ROBO2: variants seen among roughly 807,000 people sequenced by gnomAD.
ROBO2 encodes the protein roundabout guidance receptor 2.
A neutral mutation model predicts 160.8 loss-of-function variants in ROBO2; 53 were observed. The ratio of observed to expected loss-of-function variants is 0.33; its 90% CI spans 0.26 to 0.41. ROBO2 has a LOEUF of 0.41. Ranked by LOEUF, ROBO2 falls within the 10% of genes least tolerant of loss-of-function variation. The pLI, the probability that ROBO2 is intolerant of heterozygous loss-of-function variation, is 1.00. For missense variants in ROBO2, 1,577 were observed against 1,722.4 expected (o/e 0.92, Z 1.49); for synonymous variants, 664 against 611.7 (o/e 1.09, Z -1.26).
intron 2 of ROBO2, among the ~76,000 whole-genome samples, chr3:77,339,513 G>T (rs1353479483): frequency 6.6e-6 from 1 of 152,002 alleles, no homozygotes; most frequent in Admixed American, 6.6e-5. Context: ...TGCATCTGTG[G>T]ACAACATCAG....
chr3:77,632,592 A>C (rs1369228665), intron 23 of ROBO2: 3 of 1,535,720 alleles, frequency 2.0e-6, no homozygotes, highest in Non-Finnish European at 2.6e-6. Context: ...GTTTTGCACA[A>C]GCACTGGTGG....
At chr3:77,398,641 G>T (rs1231025411) in intron 2 of ROBO2, among the ~76,000 whole-genome samples, 1 of 151,894 alleles carries the variant, frequency 6.6e-6, no homozygotes, top group Non-Finnish European at 1.5e-5. Flanking sequence ...GAGTGTAATG[G>T]CATGATCATG....
At chr3:76,541,131 A>G (rs2108230341) in intron 2 of ROBO2, among the ~76,000 whole-genome samples, 1 of 152,334 alleles carries the variant, frequency 6.6e-6, no homozygotes, top group Non-Finnish European at 1.5e-5. Flanking sequence ...TAAATAAATA[A>G]TTATCAATTA....
chr3:75,933,344 C>T (rs1341097909), intron 1 of ROBO2, among the ~76,000 whole-genome samples: 1 of 152,096 alleles, frequency 6.6e-6, no homozygotes, highest in African/African-American at 2.4e-5. Flanking sequence ...ATTCTTTGGT[C>T]TTTAGTTTTA....
chr3:76,560,065 G>C (rs1197700247), intron 2 of ROBO2, among the ~76,000 whole-genome samples: 1 of 151,926 alleles, frequency 6.6e-6, no homozygotes, highest in African/African-American at 2.4e-5. Context: ...AACCCTTTCT[G>C]TATATATTAA....
chr3:76,558,843 C>T (rs897702526), intron 2 of ROBO2, among the ~76,000 whole-genome samples: 1 of 152,140 alleles, frequency 6.6e-6, no homozygotes, highest in Non-Finnish European at 1.5e-5. Context: ...CCTCTGGAGA[C>T]TTTTCTGCCG....
chr3:77,279,051 G>A (rs1370906409), intron 2 of ROBO2, among the ~76,000 whole-genome samples: 1 of 151,956 alleles, frequency 6.6e-6, no homozygotes, highest in Non-Finnish European at 1.5e-5. Flanking sequence ...TCTAGACCTC[G>A]ATATTTTATT....
intron 2 of ROBO2, among the ~76,000 whole-genome samples, chr3:76,229,587 T>A (rs1366459008): frequency 6.6e-6 from 1 of 152,174 alleles, no homozygotes. Flanking sequence ...ATGGTTACCA[T>A]GATATGCATA....
In ROBO2 at chr3:77,588,731, T is replaced by C; in HGVS notation, c.2501-20T>C. The C allele has an allele frequency of 6.2e-7, 1 of 1,608,064 alleles. No individual in the cohort carries two copies. The highest frequency in any genetic ancestry group is 8.5e-7 in the Non-Finnish European group (1 of 1,175,308). On this transcript the variant is annotated intron_variant, in intron 16 of 25. Coordinates refer to ENST00000461745, the Ensembl canonical transcript of ROBO2. ...TTATTTTCGTTTTAATATATACTAA[T>C]ACTATGGTTTTTTCCATAGGGAGAC...
intron 1 of ROBO2, among the ~76,000 whole-genome samples, chr3:75,910,539 C>T (rs1410351566): frequency 6.6e-6 from 1 of 152,046 alleles, no homozygotes; most frequent in Non-Finnish European, 1.5e-5. Flanking sequence ...TACCTTTGTT[C>T]ATTACGAGAT....
intron 2 of ROBO2, among the ~76,000 whole-genome samples, chr3:76,383,765 A>C (rs1452204663): frequency 6.6e-6 from 1 of 152,230 alleles, no homozygotes; most frequent in African/African-American, 2.4e-5. Context: ...CAATTCTGTT[A>C]GAGTAAATCA....
intron 2 of ROBO2, among the ~76,000 whole-genome samples, chr3:76,569,252 A>T (rs2084803628): frequency 6.6e-6 from 1 of 152,196 alleles, no homozygotes; most frequent in Admixed American, 6.5e-5. Flanking sequence ...TTCTGGGTCT[A>T]GAACAATAAG....
At chr3:75,949,223 T>A (rs1385657386) in intron 2 of ROBO2, among the ~76,000 whole-genome samples, 1 of 152,124 alleles carries the variant, frequency 6.6e-6, no homozygotes, top group Non-Finnish European at 1.5e-5. Context: ...TGTCTCCTTG[T>A]CACTCACCAT....
At chr3:76,239,452 G>T (rs1223388336) in intron 2 of ROBO2, among the ~76,000 whole-genome samples, 1 of 151,942 alleles carries the variant, frequency 6.6e-6, no homozygotes, top group Non-Finnish European at 1.5e-5. Context: ...AAGAGAAGTT[G>T]CCTTGATGAA....
chr3:77,429,289 T>C (rs1007442499), intron 2 of ROBO2, among the ~76,000 whole-genome samples: 2 of 152,164 alleles, frequency 1.3e-5, no homozygotes, highest in Non-Finnish European at 2.9e-5. Context: ...TTTATTACCA[T>C]CCCATAAGTG....
At chr3:76,452,179 A>G (rs569257953) in intron 2 of ROBO2, among the ~76,000 whole-genome samples, 6 of 151,450 alleles carry the variant, frequency 4.0e-5, no homozygotes, top group Non-Finnish European at 7.4e-5. Flanking sequence ...TTATTTTTTT[A>G]TTTTATTATT....
At chr3:77,537,360 C>CTTGTT (rs1208991202) in intron 6 of ROBO2, among the ~76,000 whole-genome samples, 1 of 152,032 alleles carries the variant, frequency 6.6e-6, no homozygotes, top group African/African-American at 2.4e-5. Context: ...TGTTTCTAAA[C>CTTGTT]TGTAAAGAGT....
At chr3:77,393,183 A>G (rs749416036) in intron 2 of ROBO2, among the ~76,000 whole-genome samples, 3 of 152,288 alleles carry the variant, frequency 2.0e-5, no homozygotes, top group Non-Finnish European at 4.4e-5. Flanking sequence ...ATATCAATTA[A>G]CATATTTTTA....
intron 2 of ROBO2, among the ~76,000 whole-genome samples, chr3:75,981,879 T>A (rs921357264): frequency 6.7e-6 from 1 of 149,928 alleles, no homozygotes; most frequent in African/African-American, 2.4e-5. Context: ...CTATTTTTTT[T>A]ACCTATTAAC....
Sources: gnomAD v4.1 joint callset for allele counts (sites outside exome capture counted in the v4.1 genomes callset) on GRCh38, gnomAD v4.1.1 for gene constraint, MANE v1.5 for transcripts, NCBI Gene and HGNC (gene_info 2026-07-23, HGNC 2026-07-21) for gene names.